The following ZNF532 variants were observed in gnomAD, a reference collection of about 807,000 sequenced individuals.
The protein encoded by ZNF532 is zinc finger protein 532.
In ZNF532, 22 loss-of-function variants were observed where a neutral mutation model predicts 89.3. The ratio of observed to expected loss-of-function variants is 0.25; its 90% CI spans 0.18 to 0.35. The LOEUF (loss-of-function observed/expected upper bound fraction) is 0.35, where lower values mean the gene tolerates loss of function less well. ZNF532 is among the 10% of genes least tolerant of loss of function. The pLI is 1.00. For synonymous variants in ZNF532, 606 were observed against 649.6 expected, an observed-to-expected ratio of 0.93 and a Z score of 1.02; for missense variants, 1,132 against 1,643.4, an observed-to-expected ratio of 0.69 and a Z score of 5.38.
chr18:58,911,139 T>G (rs952769314), intron 2 of ZNF532, among the ~76,000 whole-genome samples: 4 of 152,224 alleles, frequency 2.6e-5, no homozygotes, highest in Admixed American at 2.6e-4. Context: ...CTGGAGAACT[T>G]GAGCCATGAA....
chr18:58,886,222 C>A lies in ZNF532; in HGVS notation c.-18+20643C>A, dbSNP rs142127457. Among the ~76,000 whole-genome samples the A allele has an allele frequency of 8.4e-3, 1,278 of 152,288 alleles. 15 individuals are homozygous for A. The highest frequency in any genetic ancestry group is 0.029 in the African/African-American group (1,202 of 41,560). On this transcript the variant is annotated intron_variant, in intron 2 of 9. Transcript: ENST00000591808. ...TCTCGAACTCCTGGCCTCAAGTGAT[C>A]CTCCTGCCTTGGCCTCCCAAAGTGC...
chr18:58,972,695 C>A (rs531252178), intron 7 of ZNF532, among the ~76,000 whole-genome samples: 14 of 152,108 alleles, frequency 9.2e-5, no homozygotes, highest in African/African-American at 3.4e-4. Flanking sequence ...ATTCATTCAT[C>A]GCTCGCCTCT....
chr18:58,920,434 T>C lies in ZNF532; in HGVS notation c.2147T>C (p.Val716Ala). 3.1e-6 allele frequency: 5 copies of C among 1,613,862 alleles called. No individual in the cohort carries two copies. Among genetic ancestry groups the C allele is most frequent in the Non-Finnish European group, 4.2e-6 (5 of 1,179,834 alleles). The change falls in exon 3 of 10, where the codon GTC becomes GCC. Residue 716 changes from valine (V) to alanine (A), a missense_variant. This residue lies in a region of ZNF532 where 100 missense variants were observed against 122.0 expected (regional missense o/e 0.82). Transcript: ENST00000591808. ...QSPVGAGTHTVTKIQSGITGT... is the reference protein window; with the variant it reads ...QSPVGAGTHTATKIQSGITGT... Reference sequence around the variant, plus strand: ...CCTGTGGGAGCTGGCACACACACTGTCACAAAAATTCAGTCTGGCATAACT... The same window carrying C: ...CCTGTGGGAGCTGGCACACACACTGCCACAAAAATTCAGTCTGGCATAACT...
At chr18:58,932,916 G>GT (rs1398871357) in intron 3 of ZNF532, among the ~76,000 whole-genome samples, 3 of 151,948 alleles carry the variant, frequency 2.0e-5, no homozygotes, top group Non-Finnish European at 4.4e-5. Flanking sequence ...ATATATAAAT[G>GT]TTTTTTGACT....
At chr18:58,923,858 T>C (rs1255115266) in intron 3 of ZNF532, among the ~76,000 whole-genome samples, 3 of 145,914 alleles carry the variant, frequency 2.1e-5, no homozygotes, top group Admixed American at 2.0e-4. Context: ...TACAACATAT[T>C]CCATATTTTT....
Position 58,983,499 on chromosome 18 carries a change from C to G in ZNF532, c.3412-473C>G, listed in dbSNP as rs144691716. On this transcript the variant is annotated intron_variant, in intron 9 of 9. Transcript: ENST00000591808. ...GCCTTGGCACTCACAGCTTCCTATG[C>G]CTGGACTGCTTTCCCGACACTGCGT... Among the ~76,000 whole-genome samples, 143 of 152,232 alleles carry G rather than the reference C, an allele frequency of 9.4e-4. 1 individual carries two copies. In the Middle Eastern group the frequency reaches 0.017, roughly 18 times the overall value.
chr18:58,914,936 A>T (rs9952099), intron 2 of ZNF532, among the ~76,000 whole-genome samples: 4,263 of 152,296 alleles, frequency 0.028, 222 homozygotes, highest in African/African-American at 0.097. Flanking sequence ...TTGGGGTGGA[A>T]AGCGAAGAAA....
intron 7 of ZNF532, among the ~76,000 whole-genome samples, chr18:58,959,917 A>G (rs2065184626): frequency 6.6e-6 from 1 of 152,148 alleles, no homozygotes; most frequent in African/African-American, 2.4e-5. Flanking sequence ...TTATACATTT[A>G]CCACTTCTAA....
Position 58,919,337 on chromosome 18 carries a change from TC to T in ZNF532, c.1053del (p.Ala352GlnfsTer12). 6.2e-7 allele frequency: 1 copy of T among 1,614,148 alleles called. No homozygotes were observed. Among genetic ancestry groups the T allele is most frequent in the Non-Finnish European group, 8.5e-7 (1 of 1,180,028 alleles). On this transcript the variant is annotated frameshift_variant, in exon 3 of 10. Transcript: ENST00000591808. LOFTEE classifies it high-confidence loss of function. The surrounding 1 kb of genome is among the most constrained non-coding windows in gnomAD (Gnocchi z 6.1). ...ENSSKGSPSS[P>X]AGSTPAIPKV... ...ACAGCAGCAAAGGATCCCCGTCCTC[TC>T]CCGCAGGGTCCACACCAGCAATCCC...
chr18:58,946,948 G>T (rs2063716906), intron 5 of ZNF532, among the ~76,000 whole-genome samples: 1 of 152,094 alleles, frequency 6.6e-6, no homozygotes, highest in Non-Finnish European at 1.5e-5. Context: ...TCAGGGCCCT[G>T]AGAGAGGGAA....
intron 2 of ZNF532, among the ~76,000 whole-genome samples, chr18:58,887,797 G>A (rs746049725): frequency 3.3e-5 from 5 of 152,182 alleles, no homozygotes; most frequent in Non-Finnish European, 5.9e-5. Flanking sequence ...AGACCACACC[G>A]AGTCGGGGCG....
chr18:58,863,546 T>G (rs2056152430), upstream of ZNF532: 1 of 142,010 alleles, frequency 7.0e-6, no homozygotes. Context: ...GCGAGGCCGC[T>G]CCACCGCACA....
intron 3 of ZNF532, among the ~76,000 whole-genome samples, chr18:58,922,517 G>A (rs2061189425): frequency 6.6e-6 from 1 of 152,204 alleles, no homozygotes; most frequent in South Asian, 2.1e-4. Flanking sequence ...CAGCAACTTA[G>A]TTCAAGAAGG....
intron 6 of ZNF532, among the ~76,000 whole-genome samples, chr18:58,949,346 CAA>C (rs1305478544): frequency 6.6e-6 from 1 of 152,064 alleles, no homozygotes; most frequent in Non-Finnish European, 1.5e-5. Context: ...AACAGAGAAA[CAA>C]GAGACCCCAT....
At chr18:58,896,105 A>G (rs1016670014) in intron 2 of ZNF532, among the ~76,000 whole-genome samples, 1 of 152,078 alleles carries the variant, frequency 6.6e-6, no homozygotes, top group African/African-American at 2.4e-5. Context: ...TTCCCACCTC[A>G]GCCTCCCAAA....
At chr18:58,958,088 A>G (rs1033262485) in intron 7 of ZNF532, among the ~76,000 whole-genome samples, 9 of 151,658 alleles carry the variant, frequency 5.9e-5, no homozygotes, top group Non-Finnish European at 1.2e-4. Context: ...AAAAAATACA[A>G]AAACCTAATT....
At position 58,978,914 on chromosome 18, in the gene ZNF532, T is replaced by C. The variant is rs1048698764; in HGVS notation, c.3151-141T>C. On this transcript the variant is annotated intron_variant, in intron 7 of 9. Coordinates refer to ENST00000591808, the MANE Select transcript of ZNF532 (RefSeq NM_001375912.1). ...ATGAGGTCAGATATGACATTTTCCA[T>C]GTGTAGTGTCATGTCAACCCTCAGT... 67 of 634,316 alleles carry C rather than the reference T, an allele frequency of 1.1e-4. No homozygotes were observed. The South Asian group carries it at 1.3e-3, about 12-fold the overall frequency. The allele number at this position is 634,316 out of a possible 1,614,324, so 39.3% of individuals were successfully genotyped here. A position where few individuals can be genotyped will look rare whatever the true frequency, so the allele number is the denominator to read the frequency against.
intron 2 of ZNF532, among the ~76,000 whole-genome samples, chr18:58,912,796 C>A (rs1172489592): frequency 6.6e-6 from 1 of 152,060 alleles, no homozygotes; most frequent in Non-Finnish European, 1.5e-5. Flanking sequence ...TGTGTGTCTG[C>A]GTGTATGCTA....
chr18:58,899,442 C>T (rs2059458491), intron 2 of ZNF532, among the ~76,000 whole-genome samples: 1 of 151,986 alleles, frequency 6.6e-6, no homozygotes. Flanking sequence ...CTCTGCATTT[C>T]CTCTTTCTGA....
Sources: allele counts gnomAD v4.1 joint callset (sites outside exome capture counted in the v4.1 genomes callset), GRCh38; gene constraint gnomAD v4.1.1; regional missense constraint gnomAD v4.1.1; non-coding constraint Gnocchi (gnomAD v3.1); transcripts MANE v1.5; gene names NCBI Gene and HGNC (gene_info 2026-07-23, HGNC 2026-07-21).